The following FOXP2 variants were observed in gnomAD, a reference collection of about 807,000 sequenced individuals.
The protein encoded by FOXP2 is forkhead box P2, also known as forkhead box protein P2.
FOXP2 carries 12 observed loss-of-function variants against 115.8 expected under a neutral mutation model. The ratio of observed to expected loss-of-function variants is 0.10; its 90% CI spans 0.07 to 0.17. FOXP2 has a LOEUF of 0.17. Ranked by LOEUF, FOXP2 falls within the 10% of genes least tolerant of loss-of-function variation. FOXP2 has a pLI of 1.00. For synonymous variants in FOXP2, 328 were observed against 297.7 expected, an observed-to-expected ratio of 1.10 and a Z score of -1.05; for missense variants, 629 against 843.5, an observed-to-expected ratio of 0.75 and a Z score of 3.15.
At chr7:114,663,558 A>G (rs778754031) in intron 15 of FOXP2, 39 bp downstream of exon 15, 3 of 1,217,456 alleles carry the variant, frequency 2.5e-6, no homozygotes, top group Non-Finnish European at 3.5e-6. Context: ...TTGAATGTTT[A>G]GGGCTTTTTT....
At chr7:114,196,620 A>G (rs572617498) in intron 1 of FOXP2, among the ~76,000 whole-genome samples, 1 of 152,288 alleles carries the variant, frequency 6.6e-6, no homozygotes, top group East Asian at 1.9e-4. Context: ...TGTGTCAGTC[A>G]TTTAAGAGTA....
intron 2 of FOXP2, among the ~76,000 whole-genome samples, chr7:114,406,368 A>G (rs544305058): frequency 1.3e-5 from 2 of 152,026 alleles, no homozygotes; most frequent in African/African-American, 4.8e-5. Flanking sequence ...CATTAGCTCA[A>G]CTCAAAGTAC....
At chr7:114,139,415 G>C (rs1201923484) in intron 1 of FOXP2, among the ~76,000 whole-genome samples, 1 of 151,852 alleles carries the variant, frequency 6.6e-6, no homozygotes, top group South Asian at 2.1e-4. Flanking sequence ...AATAAAAAAG[G>C]TTTCTTTTAT....
intron 5 of FOXP2, 25 bp from the exon 6 acceptor site, chr7:114,631,503 A>C: frequency 6.4e-7 from 1 of 1,553,922 alleles, no homozygotes; most frequent in South Asian, 1.2e-5. Context: ...TCTGCTGTTT[A>C]CTGGTTTGGG....
chr7:114,375,610 G>A (rs1792119640), intron 2 of FOXP2, among the ~76,000 whole-genome samples: 1 of 152,174 alleles, frequency 6.6e-6, no homozygotes, highest in Non-Finnish European at 1.5e-5. Flanking sequence ...CAGTAAGGAA[G>A]GCTCATCTTC....
chr7:114,429,517 A>G (rs1178743931), intron 2 of FOXP2, among the ~76,000 whole-genome samples: 1 of 151,622 alleles, frequency 6.6e-6, no homozygotes, highest in Non-Finnish European at 1.5e-5. Flanking sequence ...GATTAACTAC[A>G]TTGAGAAATT....
intron 2 of FOXP2, among the ~76,000 whole-genome samples, chr7:114,356,637 A>C (rs753702118): frequency 6.6e-6 from 1 of 152,184 alleles, no homozygotes; most frequent in Non-Finnish European, 1.5e-5. Context: ...TGAATACCAC[A>C]TGTTCTTGAA....
chr7:114,459,569 G>GT (rs1795468633), intron 2 of FOXP2, among the ~76,000 whole-genome samples: 1 of 152,088 alleles, frequency 6.6e-6, no homozygotes, highest in African/African-American at 2.4e-5. Flanking sequence ...GTCCACAGTA[G>GT]TTTTGTTGTT....
intron 2 of FOXP2, among the ~76,000 whole-genome samples, chr7:114,377,450 A>G (rs1227225988): frequency 2.0e-5 from 3 of 152,170 alleles, no homozygotes; most frequent in African/African-American, 7.2e-5. Context: ...GAAAAAGGCA[A>G]TTGCTATCTC....
chr7:114,678,972 A>G (rs1807926460), intron 16 of FOXP2, among the ~76,000 whole-genome samples: 1 of 152,152 alleles, frequency 6.6e-6, no homozygotes, highest in African/African-American at 2.4e-5. Context: ...TCTCCTTGGT[A>G]GAGCATAAAA....
At chr7:114,169,814 G>A (rs538815843) in intron 1 of FOXP2, among the ~76,000 whole-genome samples, 8 of 152,234 alleles carry the variant, frequency 5.3e-5, no homozygotes, top group Admixed American at 3.3e-4. Flanking sequence ...TCATGGGACA[G>A]GTCTTTCCTA....
Position 114,414,940 on chromosome 7 carries a change from A to G in FOXP2, c.-431A>G, listed in dbSNP as rs1000985254. 4.9e-6 allele frequency: 2 copies of G among 404,116 alleles called. No homozygotes were observed. Among genetic ancestry groups the G allele is most frequent in the South Asian group, 3.7e-5 (2 of 54,528 alleles). 25.0% of individuals were successfully genotyped at this position (404,116 alleles called of 1,614,324 possible). A position where few individuals can be genotyped will look rare whatever the true frequency, so the allele number is the denominator to read the frequency against. On this transcript the variant is annotated 5_prime_UTR_variant, in exon 1 of 17. Transcript: ENST00000350908. ...CACACATGCACACACACACATACAC[A>G]CACACAAAAATGAAGCACTTACTTT... is the stretch of plus-strand genomic sequence containing the variant.
intron 6 of FOXP2, among the ~76,000 whole-genome samples, chr7:114,641,606 G>A (rs1278022902): frequency 6.6e-6 from 1 of 151,868 alleles, no homozygotes; most frequent in Non-Finnish European, 1.5e-5. Context: ...TTTGAGTTGA[G>A]TGTTCACTGT....
intron 3 of FOXP2, among the ~76,000 whole-genome samples, chr7:114,576,618 TACAC>T (rs1297280286): frequency 3.3e-5 from 5 of 151,956 alleles, no homozygotes; most frequent in African/African-American, 4.8e-5. Flanking sequence ...AATAAATTGA[TACAC>T]ACACTAGAAT....
intron 1 of FOXP2, among the ~76,000 whole-genome samples, chr7:114,149,423 G>C (rs1792470444): frequency 6.6e-6 from 1 of 152,016 alleles, no homozygotes; most frequent in South Asian, 2.1e-4. Context: ...CTGTTACATG[G>C]TTTCACTATG....
At position 114,244,817 on chromosome 7, in the gene FOXP2, A is replaced by G. The variant is rs539080578; in HGVS notation, c.-101-43202A>G. 5.9e-5 allele frequency among the ~76,000 whole-genome samples: 9 copies of G among 151,584 alleles called. No individual in the cohort carries two copies. The South Asian group carries it at 1.9e-3, about 32-fold the overall frequency. ...CGCTGTGTGGCCCAGGCGGGAGTGCAGTGGCGCAATCTCGGCTCACTGCAA... is the reference window on the plus strand; with the variant it reads ...CGCTGTGTGGCCCAGGCGGGAGTGCGGTGGCGCAATCTCGGCTCACTGCAA... On this transcript the variant is annotated intron_variant, in intron 1 of 17. Transcript: ENST00000634411.
chr7:114,591,374 A>G (rs1284040853), intron 3 of FOXP2, among the ~76,000 whole-genome samples: 3 of 152,124 alleles, frequency 2.0e-5, no homozygotes, highest in African/African-American at 7.2e-5. Context: ...GAGATTGTTT[A>G]TATCCAGTTT....
At chr7:114,374,361 G>C (rs1792089614) in intron 2 of FOXP2, among the ~76,000 whole-genome samples, 1 of 152,080 alleles carries the variant, frequency 6.6e-6, no homozygotes, top group Non-Finnish European at 1.5e-5. Flanking sequence ...TATTTCCTCA[G>C]TTTATTCAAA....
chr7:114,202,441 G>A (rs1203199718), intron 1 of FOXP2, among the ~76,000 whole-genome samples: 1 of 152,176 alleles, frequency 6.6e-6, no homozygotes, highest in Non-Finnish European at 1.5e-5. Flanking sequence ...CAGTTTATTA[G>A]TCATTCACAC....
Sources: gnomAD v4.1 joint callset for allele counts (sites outside exome capture counted in the v4.1 genomes callset) on GRCh38, gnomAD v4.1.1 for gene constraint, MANE v1.5 for transcripts, NCBI Gene and HGNC (gene_info 2026-07-23, HGNC 2026-07-21) for gene names.